The following STX8 variants were observed in gnomAD, a reference collection of about 807,000 sequenced individuals.
The protein encoded by STX8 is syntaxin-8.
Under a neutral mutation model 37.5 loss-of-function variants are expected in STX8, and 23 were observed. That is an observed-to-expected ratio of 0.61 (90% CI 0.44 to 0.87). The LOEUF (loss-of-function observed/expected upper bound fraction) is 0.87. Ranked by LOEUF, STX8 falls within the 40% of genes least tolerant of loss-of-function variation. The pLI is 0.00. For missense variants in STX8, 313 were observed against 284.7 expected (o/e 1.10, Z -0.71); for synonymous variants, 115 against 99.1 (o/e 1.16, Z -0.95).
intron 7 of STX8, among the ~76,000 whole-genome samples, chr17:9,280,557 A>T (rs1413432774): frequency 1.3e-5 from 2 of 152,244 alleles, no homozygotes; most frequent in African/African-American, 4.8e-5. Context: ...CCATCTCAAA[A>T]AAGAAACAAA....
At chr17:9,352,099 C>G (rs1597619928) in intron 7 of STX8, among the ~76,000 whole-genome samples, 1 of 150,240 alleles carries the variant, frequency 6.7e-6, no homozygotes, top group Admixed American at 6.7e-5. Context: ...CTTCGGTGAG[C>G]TACGATTGTG....
chr17:9,551,892 A>AGG (rs541617389), intron 3 of STX8, among the ~76,000 whole-genome samples: 2 of 150,970 alleles, frequency 1.3e-5, no homozygotes, highest in African/African-American at 4.9e-5. Context: ...CAAAAAAACT[A>AGG]GGGGGGGGTG....
At chr17:9,339,093 T>C (rs935105785) in intron 7 of STX8, among the ~76,000 whole-genome samples, 7 of 136,260 alleles carry the variant, frequency 5.1e-5, no homozygotes, top group Admixed American at 1.4e-4. Context: ...AAAAAAAAAT[T>C]CCAGGTGAAG....
chr17:9,286,300 A>G (rs992034658), intron 7 of STX8, among the ~76,000 whole-genome samples: 5 of 152,196 alleles, frequency 3.3e-5, no homozygotes, highest in South Asian at 2.1e-4. Flanking sequence ...CGGCCCACAC[A>G]CATACGCCGA....
rs184713922 is a variant in STX8 at position 9,266,279 on chromosome 17, C to T, written c.644-15634G>A. Among the ~76,000 whole-genome samples, 19 of 152,260 alleles carry T rather than the reference C, an allele frequency of 1.2e-4. No homozygotes were observed. The East Asian group carries it at 3.5e-3, about 28-fold the overall frequency. On this transcript the variant is annotated intron_variant, in intron 7 of 7. Coordinates refer to ENST00000306357, the MANE Select transcript of STX8 (RefSeq NM_004853.3). ...AGCACTTTCCAGAACAGGGGTGCCC[C>T]AGCCAGCGCACCGGAGCCTGCTTGG... is the stretch of plus-strand genomic sequence containing the variant.
intron 1 of STX8, among the ~76,000 whole-genome samples, chr17:9,570,893 G>A (rs571803044): frequency 6.6e-6 from 1 of 152,176 alleles, no homozygotes. Flanking sequence ...GTTAAAGCAG[G>A]TCTCTTATTC....
chr17:9,404,247 A>C (rs1033681778), intron 6 of STX8, among the ~76,000 whole-genome samples: 1 of 152,098 alleles, frequency 6.6e-6, no homozygotes, highest in Non-Finnish European at 1.5e-5. Flanking sequence ...CAGGTGGCAG[A>C]GGTGGAGGAA....
chr17:9,536,831 C>T (rs2142552806), intron 4 of STX8, among the ~76,000 whole-genome samples: 1 of 151,902 alleles, frequency 6.6e-6, no homozygotes, highest in Admixed American at 6.6e-5. Flanking sequence ...GCAACCTCCA[C>T]CTTCTGGTTT....
At chr17:9,549,007 C>T (rs957771706) in intron 3 of STX8, among the ~76,000 whole-genome samples, 1 of 152,088 alleles carries the variant, frequency 6.6e-6, no homozygotes, top group Non-Finnish European at 1.5e-5. Flanking sequence ...AGCTTCAGAA[C>T]CATATGTATA....
At chr17:9,472,504 G>A (rs1360380587) in intron 6 of STX8, among the ~76,000 whole-genome samples, 1 of 152,262 alleles carries the variant, frequency 6.6e-6, no homozygotes, top group African/African-American at 2.4e-5. Flanking sequence ...CACTGAGGAG[G>A]AGAAACAGTA....
chr17:9,406,858 A>C (rs934400997), intron 6 of STX8, among the ~76,000 whole-genome samples: 3 of 152,152 alleles, frequency 2.0e-5, no homozygotes. Context: ...TCCCGGGTCA[A>C]GTGTATATTG....
At chr17:9,476,756 G>A (rs2142447308) in intron 6 of STX8, among the ~76,000 whole-genome samples, 1 of 152,182 alleles carries the variant, frequency 6.6e-6, no homozygotes, top group African/African-American at 2.4e-5. Context: ...CCCAGCCAGA[G>A]GTCATTTCTT....
At chr17:9,388,983 T>G (rs2142300222) in intron 6 of STX8, among the ~76,000 whole-genome samples, 1 of 152,292 alleles carries the variant, frequency 6.6e-6, no homozygotes, top group East Asian at 1.9e-4. Context: ...TAATAGCCCA[T>G]TGTTGGATAC....
At chr17:9,359,799 T>C (rs891140966) in intron 7 of STX8, among the ~76,000 whole-genome samples, 3 of 152,060 alleles carry the variant, frequency 2.0e-5, no homozygotes, top group Admixed American at 1.3e-4. Context: ...TGAGCCACCG[T>C]GCCTGGACTG....
chr17:9,409,408 G>T (rs545663426), intron 6 of STX8, among the ~76,000 whole-genome samples: 1 of 152,130 alleles, frequency 6.6e-6, no homozygotes, highest in Non-Finnish European at 1.5e-5. Flanking sequence ...TTATGTCTTA[G>T]GAGCTTGATT....
At chr17:9,392,560 C>T (rs1329964723) in intron 6 of STX8, among the ~76,000 whole-genome samples, 3 of 152,134 alleles carry the variant, frequency 2.0e-5, no homozygotes, top group African/African-American at 7.2e-5. Flanking sequence ...TGAGCTGTGA[C>T]TGCACCACTA....
chr17:9,288,562 T>A (rs1908183629), intron 7 of STX8, among the ~76,000 whole-genome samples: 1 of 152,030 alleles, frequency 6.6e-6, no homozygotes, highest in Non-Finnish European at 1.5e-5. Flanking sequence ...CTCGGGAGGC[T>A]GAGGCAGGAG....
chr17:9,527,452 T>G (rs1412542582), intron 4 of STX8, among the ~76,000 whole-genome samples: 1 of 152,010 alleles, frequency 6.6e-6, no homozygotes, highest in Non-Finnish European at 1.5e-5. Flanking sequence ...TCAAAAAAAT[T>G]AAAATTAAAA....
chr17:9,571,343 C>T (rs142817495), intron 1 of STX8, among the ~76,000 whole-genome samples: 85 of 152,216 alleles, frequency 5.6e-4, no homozygotes, highest in African/African-American at 1.8e-3. Context: ...CCTGGGCGTG[C>T]GTGGGGAGCT....
Sources: allele counts gnomAD v4.1 joint callset (sites outside exome capture counted in the v4.1 genomes callset), GRCh38; gene constraint gnomAD v4.1.1; transcripts MANE v1.5; gene names NCBI Gene and HGNC (gene_info 2026-07-23, HGNC 2026-07-21).